PCDHA3: variants seen among roughly 807,000 people sequenced by gnomAD.
PCDHA3 encodes the protein protocadherin alpha 3, also known as protocadherin alpha-3.
Under a neutral mutation model 62.2 loss-of-function variants are expected in PCDHA3, and 41 were observed. The ratio of observed to expected loss-of-function variants is 0.66; its 90% CI spans 0.51 to 0.86. The LOEUF (loss-of-function observed/expected upper bound fraction) is 0.86, where lower values mean the gene tolerates loss of function less well. Among genes scored for constraint, PCDHA3 ranks in the 40% least tolerant of loss-of-function variants. The pLI is 0.00. For synonymous variants in PCDHA3, 640 were observed against 555.4 expected (o/e 1.15, Z -2.14); for missense variants, 1,304 against 1,241.2 (o/e 1.05, Z -0.76).
At chr5:140,805,063 T>C (rs2149982428) in intron 1 of PCDHA3, 2 of 1,593,126 alleles carry the variant, frequency 1.3e-6, no homozygotes, top group Non-Finnish European at 1.7e-6. Flanking sequence ...TTCCCAGATA[T>C]GGAACTTCAA....
Position 140,803,100 on chromosome 5 carries a change from C to A in PCDHA3, c.1903C>A (p.Arg635Ser). 2 of 1,613,876 alleles carry A rather than the reference C, an allele frequency of 1.2e-6. No individual in the cohort carries two copies. The highest frequency in any genetic ancestry group is 1.3e-5 in the African/African-American group (1 of 75,072). ...GLYTGEISTT[R>S]ALDEVDAPRH... ...GTACACGGGAGAGATCAGCACGACC[C>A]GTGCCCTGGACGAGGTGGACGCCCC... Residue 635 changes from arginine (R) to serine (S), a missense_variant, in exon 1 of 4, where the codon CGT (arginine) becomes AGT (serine). Transcript: ENST00000522353.
intron 1 of PCDHA3, chr5:140,869,696 A>T: frequency 6.2e-7 from 1 of 1,613,472 alleles, no homozygotes; most frequent in Non-Finnish European, 8.5e-7. Context: ...ATTTTAAAGA[A>T]GTCTCTGGAT....
intron 1 of PCDHA3, chr5:140,841,270 C>T: frequency 6.5e-7 from 1 of 1,529,280 alleles, no homozygotes; most frequent in Non-Finnish European, 8.8e-7. Context: ...AAAGTACAGT[C>T]GTTCATCTTT....
At chr5:140,920,411 T>G (rs533328116) in intron 1 of PCDHA3, among the ~76,000 whole-genome samples, 39 of 152,352 alleles carry the variant, frequency 2.6e-4, no homozygotes, top group Middle Eastern at 3.4e-3. Flanking sequence ...TTTAATCAGA[T>G]ACAGCTGTTC....
chr5:140,836,467 A>G, intron 1 of PCDHA3: 1 of 1,613,806 alleles, frequency 6.2e-7, no homozygotes, highest in East Asian at 2.2e-5. Context: ...GAGCTGGTGG[A>G]TGTCAACGTG....
chr5:140,835,582 C>T, intron 1 of PCDHA3: 1 of 1,613,912 alleles, frequency 6.2e-7, no homozygotes, highest in Non-Finnish European at 8.5e-7. Context: ...TTGGTGTCCA[C>T]CTTCAAGAAT....
At chr5:140,857,673 C>T (rs372854727) in intron 1 of PCDHA3, 3 of 1,596,826 alleles carry the variant, frequency 1.9e-6, no homozygotes, top group Non-Finnish European at 2.6e-6. Context: ...GGGGGCGTGC[C>T]GCCTCTGGGC....
At chr5:140,827,371 C>T (rs1488315949) in intron 1 of PCDHA3, among the ~76,000 whole-genome samples, 1 of 152,100 alleles carries the variant, frequency 6.6e-6, no homozygotes, top group Non-Finnish European at 1.5e-5. Context: ...AGCAAGAATC[C>T]TAATATAAGC....
chr5:140,823,925 A>C (rs2150130360), intron 1 of PCDHA3: 1 of 1,613,820 alleles, frequency 6.2e-7, no homozygotes, highest in East Asian at 2.2e-5. Context: ...CTGCTGCTGT[A>C]CACCGCGCTG....
At chr5:140,823,740 GC>G in intron 1 of PCDHA3, 1 of 1,613,846 alleles carries the variant, frequency 6.2e-7, no homozygotes, top group Non-Finnish European at 8.5e-7. Flanking sequence ...ACCATGGAGA[GC>G]CCCCGCTGAC....
intron 1 of PCDHA3, chr5:140,814,870 A>G (rs1246667787): frequency 2.6e-5 from 4 of 152,220 alleles, no homozygotes; most frequent in South Asian, 4.2e-4. Flanking sequence ...AGGTGTTTTA[A>G]TGTTGGGTGC....
At chr5:140,857,067 T>G (rs1245365064) in intron 1 of PCDHA3, 2 of 1,596,142 alleles carry the variant, frequency 1.3e-6, no homozygotes, top group East Asian at 2.2e-5. Context: ...GTGGAACTAC[T>G]GGATGAAAAT....
chr5:140,804,890 C>A, intron 1 of PCDHA3: 3 of 665,622 alleles, frequency 4.5e-6, no homozygotes, highest in Non-Finnish European at 6.9e-6. Flanking sequence ...TCCTCTCCTT[C>A]CCCTCACTTC....
chr5:140,807,657 C>A (rs1554124181), intron 1 of PCDHA3: 3 of 1,614,102 alleles, frequency 1.9e-6, no homozygotes, highest in Non-Finnish European at 2.5e-6. Context: ...CTAGAGGGCG[C>A]CTCGGATGCA....
intron 1 of PCDHA3, chr5:140,853,187 G>A: frequency 1.0e-6 from 1 of 979,936 alleles, no homozygotes; most frequent in Non-Finnish European, 1.2e-6. Flanking sequence ...CCTAAAATGT[G>A]TTCTTTATTA....
At chr5:140,829,749 T>C in intron 1 of PCDHA3, 1 of 1,613,676 alleles carries the variant, frequency 6.2e-7, no homozygotes, top group Non-Finnish European at 8.5e-7. Context: ...ACGCTGCAGG[T>C]GTTCGTGCTG....
At chr5:140,925,955 G>A (rs1350124934) in intron 1 of PCDHA3, among the ~76,000 whole-genome samples, 1 of 152,076 alleles carries the variant, frequency 6.6e-6, no homozygotes, top group Non-Finnish European at 1.5e-5. Context: ...AGGAGAAACT[G>A]CTATCACGCA....
rs1554121267 is a variant in PCDHA3 at position 140,801,062 on chromosome 5, G to C, written c.-136G>C. On this transcript the variant is annotated 5_prime_UTR_variant, in exon 1 of 4. Transcript: ENST00000522353. ...CAAAAGAAATAACAGCGTGCATTAC[G>C]TATTCAGATACTGCTTTGCTTCATC... 7 of 1,455,288 alleles carry C rather than the reference G, an allele frequency of 4.8e-6. No homozygotes were observed. The highest frequency in any genetic ancestry group is 6.3e-6 in the Non-Finnish European group (7 of 1,109,720). The allele number at this position is 1,455,288 out of a possible 1,614,324, so 90.1% of individuals were successfully genotyped here.
rs1314796100 is a variant in PCDHA3, at chr5:140,802,558, C to T, written c.1361C>T (p.Ala454Val). ...EVADVNDNAPAFSQSEYTVFV... is the reference protein window; with the variant it reads ...EVADVNDNAPVFSQSEYTVFV... ...GCCGACGTGAACGACAATGCGCCGG[C>T]ATTCTCGCAGTCCGAGTACACGGTG... Residue 454 changes from alanine to valine, a missense_variant, in exon 1 of 4, where the codon GCA becomes GTA. Physicochemically the swap from Ala to Val is moderately conservative, Grantham distance 64. Coordinates refer to ENST00000522353, the MANE Select transcript of PCDHA3 (RefSeq NM_018906.3). 7 of 1,614,078 alleles carry T rather than the reference C, an allele frequency of 4.3e-6. No individual in the cohort carries two copies. Among genetic ancestry groups the T allele is most frequent in the Non-Finnish European group, 5.9e-6 (7 of 1,180,042 alleles).
Sources: allele counts gnomAD v4.1 joint callset (sites outside exome capture counted in the v4.1 genomes callset), GRCh38; gene constraint gnomAD v4.1.1; transcripts MANE v1.5; gene names NCBI Gene and HGNC (gene_info 2026-07-23, HGNC 2026-07-21).